The following CNBD1 variants were observed in gnomAD, a reference collection of about 807,000 sequenced individuals.
CNBD1 encodes cyclic nucleotide-binding domain-containing protein 1.
In CNBD1, 71 loss-of-function variants were observed where a neutral mutation model predicts 54.4. That is an observed-to-expected ratio of 1.30 (90% CI 1.08 to 1.59). CNBD1 has a LOEUF of 1.59. CNBD1 is among the 40% of genes most tolerant of loss of function. The pLI is 0.00. For synonymous variants in CNBD1, 182 were observed against 170.7 expected (o/e 1.07, Z -0.51); for missense variants, 659 against 518.0 (o/e 1.27, Z -2.64).
intron 5 of CNBD1, among the ~76,000 whole-genome samples, chr8:87,230,810 A>G (rs945955124): frequency 6.6e-6 from 1 of 152,196 alleles, no homozygotes; most frequent in African/African-American, 2.4e-5. Context: ...TTAAGGAGTC[A>G]TTTATTTAGG....
At chr8:86,907,858 A>G (rs1809041849) in intron 3 of CNBD1, among the ~76,000 whole-genome samples, 1 of 152,194 alleles carries the variant, frequency 6.6e-6, no homozygotes, top group African/African-American at 2.4e-5. Context: ...AAATTTTTAA[A>G]GGAATAAAAC....
chr8:87,253,674 G>T (rs942684254), intron 6 of CNBD1, among the ~76,000 whole-genome samples: 1 of 152,122 alleles, frequency 6.6e-6, no homozygotes, highest in Non-Finnish European at 1.5e-5. Flanking sequence ...TATTGTGGCC[G>T]AAATAGATAG....
chr8:87,234,377 G>GAAAT (rs1328897374), intron 5 of CNBD1, among the ~76,000 whole-genome samples: 1 of 152,128 alleles, frequency 6.6e-6, no homozygotes, highest in Non-Finnish European at 1.5e-5. Flanking sequence ...ATAGACTTAT[G>GAAAT]AAATGTATTT....
At chr8:87,357,522 T>A (rs1362262575) in intron 10 of CNBD1, among the ~76,000 whole-genome samples, 1 of 152,184 alleles carries the variant, frequency 6.6e-6, no homozygotes, top group Non-Finnish European at 1.5e-5. Context: ...CAGACATGCA[T>A]GGGGAATGTT....
chr8:86,958,503 T>C (rs1472690979), intron 4 of CNBD1, among the ~76,000 whole-genome samples: 2 of 152,244 alleles, frequency 1.3e-5, no homozygotes, highest in Non-Finnish European at 2.9e-5. Context: ...TTTATGAATC[T>C]GGGTGCTCCT....
At chr8:87,083,681 C>T (rs148963278) in intron 4 of CNBD1, among the ~76,000 whole-genome samples, 128 of 151,094 alleles carry the variant, frequency 8.5e-4, no homozygotes, top group African/African-American at 2.6e-3. Context: ...CTCCGCCTCC[C>T]GGGTTCACTC....
At chr8:87,263,759 A>T (rs978958410) in intron 6 of CNBD1, among the ~76,000 whole-genome samples, 1 of 152,110 alleles carries the variant, frequency 6.6e-6, no homozygotes. Flanking sequence ...TATACTCAAC[A>T]TATAAATATA....
chr8:87,203,846 A>C (rs1427819634), intron 4 of CNBD1, among the ~76,000 whole-genome samples: 2 of 152,190 alleles, frequency 1.3e-5, no homozygotes, highest in Admixed American at 1.3e-4. Flanking sequence ...TATTACAATA[A>C]AAACTCACAC....
At chr8:86,874,182 G>C (rs1230075548) in intron 1 of CNBD1, among the ~76,000 whole-genome samples, 2 of 152,150 alleles carry the variant, frequency 1.3e-5, no homozygotes, top group Non-Finnish European at 2.9e-5. Flanking sequence ...TCTTCAGATT[G>C]CTTTGACTCT....
At chr8:87,409,275 A>T (rs939872541) in intron 2 of CNBD1, among the ~76,000 whole-genome samples, 1 of 152,152 alleles carries the variant, frequency 6.6e-6, no homozygotes, top group Non-Finnish European at 1.5e-5. Context: ...TGAATAGAAG[A>T]TCAAATAAGC....
At chr8:86,973,790 T>G (rs1180669652) in intron 4 of CNBD1, among the ~76,000 whole-genome samples, 1 of 152,178 alleles carries the variant, frequency 6.6e-6, no homozygotes, top group Non-Finnish European at 1.5e-5. Context: ...TTGACTCTTT[T>G]TCCAGTAGCA....
chr8:87,416,623 TCAC>T (rs1416216661), intron 2 of CNBD1, among the ~76,000 whole-genome samples: 1 of 152,016 alleles, frequency 6.6e-6, no homozygotes, highest in Non-Finnish European at 1.5e-5. Context: ...TCTGGAAGAT[TCAC>T]CTTGGAAGTT....
chr8:87,008,471 C>T (rs1809148230), intron 4 of CNBD1, among the ~76,000 whole-genome samples: 1 of 152,158 alleles, frequency 6.6e-6, no homozygotes, highest in African/African-American at 2.4e-5. Flanking sequence ...CTTAGAAGTC[C>T]TTTCTGCAGA....
chr8:86,922,673 T>C (rs941613715), intron 3 of CNBD1, among the ~76,000 whole-genome samples: 3 of 152,164 alleles, frequency 2.0e-5, no homozygotes, highest in Admixed American at 6.6e-5. Flanking sequence ...AATCCACTTA[T>C]GATGATAACT....
At chr8:87,137,838 T>C (rs1169698564) in intron 4 of CNBD1, among the ~76,000 whole-genome samples, 2 of 151,988 alleles carry the variant, frequency 1.3e-5, no homozygotes, top group East Asian at 3.9e-4. Flanking sequence ...AGCTATGAAA[T>C]AATAAGAGGG....
chr8:87,102,883 G>A (rs577733716), intron 4 of CNBD1, among the ~76,000 whole-genome samples: 13 of 152,238 alleles, frequency 8.5e-5, no homozygotes, highest in South Asian at 4.1e-4. Context: ...CAAAGTGCTG[G>A]GGTTACAGGT....
chr8:86,932,876 A>G lies in CNBD1; in HGVS notation c.273-6720A>G, dbSNP rs1435492639. 2.0e-5 allele frequency among the ~76,000 whole-genome samples: 3 copies of G among 151,624 alleles called. No homozygotes were observed. The East Asian group carries it at 5.8e-4, about 29-fold the overall frequency. ...CCCAATAACCTGCAATGGTCCCTGG[A>G]CCCTGCTGTTTGGAATAGTTGCGCT... On this transcript the variant is annotated intron_variant, in intron 3 of 10. Coordinates refer to ENST00000518476, the MANE Select transcript of CNBD1 (RefSeq NM_173538.3).
At chr8:87,326,204 T>G (rs901182070) in intron 8 of CNBD1, among the ~76,000 whole-genome samples, 1 of 124,774 alleles carries the variant, frequency 8.0e-6, no homozygotes, top group Non-Finnish European at 1.8e-5. Flanking sequence ...CCTTTGAGGG[T>G]AACCCGACCT....
At chr8:86,933,060 G>A (rs953867543) in intron 3 of CNBD1, among the ~76,000 whole-genome samples, 18 of 152,124 alleles carry the variant, frequency 1.2e-4, no homozygotes, top group African/African-American at 3.6e-4. Context: ...GGAGTGGAGG[G>A]CCATACCCTG....
Sources: allele counts gnomAD v4.1 joint callset (sites outside exome capture counted in the v4.1 genomes callset), GRCh38; gene constraint gnomAD v4.1.1; transcripts MANE v1.5; gene names NCBI Gene and HGNC (gene_info 2026-07-23, HGNC 2026-07-21).